The following MBOAT7 variants were observed in gnomAD, a reference collection of about 807,000 sequenced individuals.
MBOAT7 encodes the protein membrane-bound acylglycerophosphatidylinositol O-acyltransferase MBOAT7.
In MBOAT7, 40 loss-of-function variants were observed where a neutral mutation model predicts 47.4. That is an observed-to-expected ratio of 0.84 (90% confidence interval 0.66 to 1.10). MBOAT7 has a LOEUF of 1.10. MBOAT7 is among the 50% of genes least tolerant of loss of function. MBOAT7 has a pLI of 0.00. For missense variants in MBOAT7, 680 were observed against 655.6 expected (o/e 1.04, Z -0.41); for synonymous variants, 361 against 292.0 (o/e 1.24, Z -2.41).
chr19:54,182,744 A>G (rs1378371012), intron 5 of MBOAT7, among the ~76,000 whole-genome samples: 1 of 152,186 alleles, frequency 6.6e-6, no homozygotes, highest in South Asian at 2.1e-4. Context: ...TCTGTTGCCC[A>G]GGATGGAGTG....
chr19:54,187,236 G>A lies in MBOAT7; in HGVS notation c.258C>T (p.Phe86=), dbSNP rs1172704624. The change falls in exon 4 of 8, where the codon TTC becomes TTT. Residue 86 remains phenylalanine, a synonymous_variant. Coordinates refer to ENST00000245615, the MANE Select transcript of MBOAT7 (RefSeq NM_024298.5). ...LAWTFSYLLF[F]RALSLLGLPT... is the part of the protein sequence containing the mutation. ...GCAGGCCCAGGAGGCTGAGGGCTCG[G>A]AAGAACAGGAGATAGGAGAAAGTCC... The A allele has an allele frequency of 5.0e-6, 8 of 1,609,278 alleles. No homozygotes were observed. Among genetic ancestry groups the A allele is most frequent in the Non-Finnish European group, 6.8e-6 (8 of 1,178,268 alleles).
rs752885443 is a variant in MBOAT7 at position 54,187,278 on chromosome 19, G to A, written c.216C>T (p.His72=). 3.1e-5 allele frequency: 50 copies of A among 1,609,666 alleles called. No homozygotes were observed. Among genetic ancestry groups the A allele is most frequent in the South Asian group, 1.2e-4 (11 of 90,412 alleles). The change falls in exon 4 of 8, where the codon CAC becomes CAT. Residue 72 remains histidine (H), a synonymous_variant. Coordinates refer to ENST00000245615, the MANE Select transcript of MBOAT7 (RefSeq NM_024298.5). The part of the protein sequence containing the change: ...ALIQAQPCSC[H]ALALAWTFSY... ...AGAAAGTCCAGGCCAGAGCCAGGGCGTGGCAGGAGCTGGGCAAAAGCAGGA... is the reference window on the plus strand; with the variant it reads ...AGAAAGTCCAGGCCAGAGCCAGGGCATGGCAGGAGCTGGGCAAAAGCAGGA...
chr19:54,181,773 A>G (rs12974283), intron 5 of MBOAT7, among the ~76,000 whole-genome samples: 9 of 6,312 alleles, frequency 1.4e-3, no homozygotes, highest in Non-Finnish European at 2.1e-3. Context: ...GAGGGAGGGA[A>G]GGAGGGAAGG....
At position 54,174,315 on chromosome 19, in the gene MBOAT7, A is replaced by G. The variant is rs574363018; in HGVS notation, c.1148T>C (p.Leu383Pro). 6.2e-6 allele frequency: 10 copies of G among 1,613,292 alleles called. No homozygotes were observed. Among genetic ancestry groups the G allele is most frequent in the South Asian group, 5.5e-5 (5 of 91,002 alleles). Reference sequence around the variant, plus strand: ...GCCCCCTGGGCTCAGCCGCCCCCGCAGGGCTGACTCCAGCCGGCCCTCGGC... The same window carrying G: ...GCCCCCTGGGCTCAGCCGCCCCCGCGGGGCTGACTCCAGCCGGCCCTCGGC... ...LAAEGRLESA[L>P]RGRLSPGGQK... Residue 383 changes from leucine to proline, a missense_variant, in exon 8 of 8, where the codon CTG (leucine) becomes CCG (proline). Leu to Pro is a moderately conservative substitution (Grantham distance 98). Transcript: ENST00000245615.
At position 54,174,298 on chromosome 19, in the gene MBOAT7, G is replaced by A. The variant is rs915235935; in HGVS notation, c.1165C>T (p.Pro389Ser). The change falls in exon 8 of 8, where the codon CCA becomes TCA. Residue 389 changes from proline to serine, a missense_variant. Pro to Ser is a moderately conservative substitution (Grantham distance 74). Coordinates refer to ENST00000245615, the MANE Select transcript of MBOAT7 (RefSeq NM_024298.5). ...CAGTCCCAGGCCTTCTGGCCCCCTGGGCTCAGCCGCCCCCGCAGGGCTGAC... is the reference window on the plus strand; with the variant it reads ...CAGTCCCAGGCCTTCTGGCCCCCTGAGCTCAGCCGCCCCCGCAGGGCTGAC... ...LESALRGRLS[P>S]GGQKAWDWVH... 9 of 1,612,974 alleles carry A rather than the reference G, an allele frequency of 5.6e-6. No homozygotes were observed. Among genetic ancestry groups the A allele is most frequent in the South Asian group, 1.1e-5 (1 of 90,968 alleles).
At chr19:54,187,679 G>A (rs2076468024) in intron 3 of MBOAT7, among the ~76,000 whole-genome samples, 2 of 152,196 alleles carry the variant, frequency 1.3e-5, no homozygotes, top group Non-Finnish European at 2.9e-5. Context: ...GTAGCGGACT[G>A]GGACAAACAC....
At chr19:54,179,212 C>G (rs1370981505) in intron 6 of MBOAT7, 1 of 559,408 alleles carries the variant, frequency 1.8e-6, no homozygotes, top group Non-Finnish European at 3.2e-6. Flanking sequence ...CCATGAAAAG[C>G]CTTGAAGGGC....
At chr19:54,186,950 T>C in intron 4 of MBOAT7, 1 of 616,426 alleles carries the variant, frequency 1.6e-6, no homozygotes. Context: ...ATGTGGGTTA[T>C]TTCCTCACCC....
At chr19:54,178,673 AG>A (rs1555834530) in intron 7 of MBOAT7, 91 bp downstream of exon 7, 3 of 1,523,360 alleles carry the variant, frequency 2.0e-6, no homozygotes, top group Admixed American at 2.1e-5. Context: ...CTCCGGGGGC[AG>A]GGGCCCAGCC....
rs2075983021 is a variant in MBOAT7 at position 54,173,788 on chromosome 19, T to C, written c.*256A>G. 4 of 451,954 alleles carry C rather than the reference T, an allele frequency of 8.9e-6. No individual in the cohort carries two copies. In the South Asian group the frequency reaches 1.8e-4, roughly 20 times the overall value. The allele number at this position is 451,954 out of a possible 1,614,324, so 28.0% of individuals were successfully genotyped here. On this transcript the variant is annotated 3_prime_UTR_variant, in exon 8 of 8. Transcript: ENST00000245615. ...TTGGGGAAGTGCAGTGCTCTCTGGATACCCAGAAGCTGGAGCAGGGGCCAG... is the reference window on the plus strand; with the variant it reads ...TTGGGGAAGTGCAGTGCTCTCTGGACACCCAGAAGCTGGAGCAGGGGCCAG...
chr19:54,182,205 G>T (rs967091738), intron 5 of MBOAT7, among the ~76,000 whole-genome samples: 4 of 151,874 alleles, frequency 2.6e-5, no homozygotes, highest in Non-Finnish European at 5.9e-5. Context: ...GTTCACAAAG[G>T]CCGTATGTTT....
rs940150787 is a variant in MBOAT7, at chr19:54,189,414, C to A, written c.-80G>T. 4.6e-5 allele frequency: 7 copies of A among 152,960 alleles called. No homozygotes were observed. Among genetic ancestry groups the A allele is most frequent in the African/African-American group, 1.7e-4 (7 of 41,456 alleles). The allele number at this position is 152,960 out of a possible 1,614,324, so 9.5% of individuals were successfully genotyped here. A position where few individuals can be genotyped will look rare whatever the true frequency, so the allele number is the denominator to read the frequency against. On this transcript the variant is annotated 5_prime_UTR_variant, in exon 1 of 8. Transcript: ENST00000245615. The stretch of plus-strand genomic sequence containing the variant: ...GCCGCAGCTCCGGCCACGCCTCCCC[C>A]GCCCAGCGCGCCCCCGCGCCGCCTG...
chr19:54,179,210 A>G, intron 6 of MBOAT7: 1 of 562,410 alleles, frequency 1.8e-6, no homozygotes, highest in Non-Finnish European at 3.2e-6. Flanking sequence ...AGCCATGAAA[A>G]GCCTTGAAGG....
At chr19:54,184,651 C>G (rs2076381104) in intron 4 of MBOAT7, among the ~76,000 whole-genome samples, 1 of 152,060 alleles carries the variant, frequency 6.6e-6, no homozygotes, top group Non-Finnish European at 1.5e-5. Context: ...GCCTGTAATC[C>G]CAGCACTTTG....
chr19:54,182,236 G>A (rs2076307307), intron 5 of MBOAT7, among the ~76,000 whole-genome samples: 1 of 150,828 alleles, frequency 6.6e-6, no homozygotes, highest in Middle Eastern at 3.4e-3. Context: ...AGCATGGGAA[G>A]ATAAAAGGAA....
chr19:54,176,973 G>C (rs2076124182), intron 7 of MBOAT7, among the ~76,000 whole-genome samples: 2 of 151,986 alleles, frequency 1.3e-5, no homozygotes, highest in South Asian at 4.1e-4. Context: ...TGTAATCCCA[G>C]CACGTTGGGA....
chr19:54,173,534 C>T lies in MBOAT7; in HGVS notation c.*510G>A, dbSNP rs747668018. On this transcript the variant is annotated 3_prime_UTR_variant, in exon 8 of 8. Transcript: ENST00000245615. ...GGTGGCTCAGATGGAAGCCATGGGA[C>T]GGCCGTCCCCAGGCCCGCGCACCCG... is the stretch of plus-strand genomic sequence containing the variant. 6 of 181,580 alleles carry T rather than the reference C, an allele frequency of 3.3e-5. No homozygotes were observed. Among genetic ancestry groups the T allele is most frequent in the Non-Finnish European group, 5.8e-5 (5 of 86,752 alleles). 11.2% of individuals were successfully genotyped at this position (181,580 alleles called of 1,614,324 possible).
At chr19:54,184,883 A>G (rs2076388747) in intron 4 of MBOAT7, among the ~76,000 whole-genome samples, 1 of 145,412 alleles carries the variant, frequency 6.9e-6, no homozygotes, top group Non-Finnish European at 1.5e-5. Flanking sequence ...CAGCCTGGGC[A>G]ACAGGAGTGA....
intron 7 of MBOAT7, among the ~76,000 whole-genome samples, chr19:54,175,492 TG>T (rs2076081616): frequency 6.6e-6 from 1 of 152,220 alleles, no homozygotes; most frequent in Admixed American, 6.5e-5. Flanking sequence ...CAGAAGTCCC[TG>T]GCCTGTGGTC....
Sources: gnomAD v4.1 joint callset for allele counts (sites outside exome capture counted in the v4.1 genomes callset) on GRCh38, gnomAD v4.1.1 for gene constraint, MANE v1.5 for transcripts, NCBI Gene and HGNC (gene_info 2026-07-23, HGNC 2026-07-21) for gene names.